Variants in BIRC6 observed in about 807,000 individuals in gnomAD.
BIRC6 encodes baculoviral IAP repeat containing 6, also known as dual E2 ubiquitin-conjugating enzyme/E3 ubiquitin-protein ligase BIRC6.
A neutral mutation model predicts 503.3 loss-of-function variants in BIRC6; 98 were observed. The ratio of observed to expected loss-of-function variants is 0.19; its 90% confidence interval spans 0.17 to 0.23. BIRC6 has a LOEUF of 0.23. Among genes scored for constraint, BIRC6 ranks in the 10% least tolerant of loss-of-function variants. BIRC6 has a pLI of 1.00. For missense variants in BIRC6, 5,360 were observed against 5,806.0 expected (o/e 0.92, Z 2.50); for synonymous variants, 2,240 against 2,078.7 (o/e 1.08, Z -2.11).
At chr2:32,565,517 A>G (rs531077781) in intron 65 of BIRC6, 1 of 152,332 alleles carries the variant, frequency 6.6e-6, no homozygotes, top group South Asian at 2.1e-4. Flanking sequence ...GATAAACTAT[A>G]GTTATCCCTA....
At chr2:32,600,525 T>G (rs1310964070) in intron 70 of BIRC6, among the ~76,000 whole-genome samples, 1 of 152,230 alleles carries the variant, frequency 6.6e-6, no homozygotes, top group Admixed American at 6.5e-5. Context: ...GCAAAAGATT[T>G]GACCAGAGGC....
intron 10 of BIRC6, among the ~76,000 whole-genome samples, chr2:32,416,862 G>A (rs1204667878): frequency 7.4e-6 from 1 of 135,702 alleles, no homozygotes; most frequent in Non-Finnish European, 1.5e-5. Flanking sequence ...TTGAGAGGAA[G>A]TTTCATTCTT....
intron 65 of BIRC6, among the ~76,000 whole-genome samples, chr2:32,554,855 T>C (rs1475760996): frequency 6.6e-6 from 1 of 152,076 alleles, no homozygotes; most frequent in Non-Finnish European, 1.5e-5. Flanking sequence ...ACGACAAATA[T>C]CTTAATTTAA....
chr2:32,370,101 A>G (rs2035711346), intron 1 of BIRC6, among the ~76,000 whole-genome samples: 1 of 147,604 alleles, frequency 6.8e-6, no homozygotes, highest in African/African-American at 2.5e-5. Flanking sequence ...GGGTGTGCCA[A>G]GTTCAGCATC....
chr2:32,548,365 CTTTTTTTTTTTT>C (rs1202755440), intron 64 of BIRC6, among the ~76,000 whole-genome samples: 2 of 73,364 alleles, frequency 2.7e-5, no homozygotes, highest in Non-Finnish European at 5.1e-5. Flanking sequence ...TGGTTGCTTA[CTTTTTTTTTTTT>C]TTTTTTTTTT....
chr2:32,453,795 C>T lies in BIRC6; in HGVS notation c.4619-13C>T. ...TATCTTCACGTGTTATAAAACTTGTCTTTTGCCATTAGGAAATGGAAAGGT... is the reference window on the plus strand; with the variant it reads ...TATCTTCACGTGTTATAAAACTTGTTTTTTGCCATTAGGAAATGGAAAGGT... On this transcript the variant is annotated splice_polypyrimidine_tract_variant and intron_variant, in intron 22 of 73. Coordinates refer to ENST00000421745, the MANE Select transcript of BIRC6 (RefSeq NM_016252.4). The T allele has an allele frequency of 6.2e-7, 1 of 1,610,128 alleles. No individual in the cohort carries two copies. The highest frequency in any genetic ancestry group is 8.5e-7 in the Non-Finnish European group (1 of 1,178,504).
At chr2:32,442,023 C>A in intron 17 of BIRC6, 42 bp from the exon 18 acceptor site, 2 of 1,384,490 alleles carry the variant, frequency 1.4e-6, no homozygotes, top group South Asian at 1.8e-5. Context: ...TTTAGTTGTT[C>A]TGTTTTGTTT....
chr2:32,377,213 A>ATATGTGTGTGTG (rs150659120), intron 1 of BIRC6, among the ~76,000 whole-genome samples: 1 of 144,152 alleles, frequency 6.9e-6, no homozygotes, highest in African/African-American at 2.6e-5. Flanking sequence ...CTTAATATAT[A>ATATGTGTGTGTG]TGTGTGTGTG....
intron 72 of BIRC6, among the ~76,000 whole-genome samples, chr2:32,611,000 C>G (rs898048466): frequency 2.0e-5 from 3 of 152,196 alleles, no homozygotes; most frequent in African/African-American, 7.2e-5. Flanking sequence ...GCTGGGATTA[C>G]AGGCGTGAGC....
intron 45 of BIRC6, among the ~76,000 whole-genome samples, chr2:32,498,227 C>T (rs2052722794): frequency 6.6e-6 from 1 of 152,016 alleles, no homozygotes; most frequent in Middle Eastern, 3.2e-3. Context: ...CTACTACACA[C>T]GGCTAATTTT....
At position 32,545,825 on chromosome 2, in the gene BIRC6, C is replaced by T. The variant is rs2150326145; in HGVS notation, c.12775C>T (p.Pro4259Ser). 1 of 1,613,822 alleles carries T rather than the reference C, an allele frequency of 6.2e-7. No individual in the cohort carries two copies. The highest frequency in any genetic ancestry group is 8.5e-7 in the Non-Finnish European group (1 of 1,179,822). ...TCTCTCTGCTTTGAGCCACCATTCC[C>T]CACGAGTTCCAAACTCTAGCGTGAA... is the stretch of plus-strand genomic sequence containing the variant. ...VCLSALSHHS[P>S]RVPNSSVNQT... The change falls in exon 63 of 74, where the codon CCA (proline) becomes TCA (serine). Residue 4259 changes from proline (P) to serine (S), a missense_variant. Around this residue, in one of 16 missense-constraint regions of BIRC6, gnomAD observed 477 missense variants for 574.4 expected, o/e 0.83. Transcript: ENST00000421745.
intron 65 of BIRC6, among the ~76,000 whole-genome samples, chr2:32,552,090 T>C (rs553486286): frequency 1.3e-5 from 2 of 152,332 alleles, no homozygotes; most frequent in Admixed American, 6.5e-5. Flanking sequence ...CAAGAAAATA[T>C]AGGAACACAC....
intron 26 of BIRC6, among the ~76,000 whole-genome samples, chr2:32,465,804 C>A (rs2048481941): frequency 6.6e-6 from 1 of 152,192 alleles, no homozygotes; most frequent in Non-Finnish European, 1.5e-5. Flanking sequence ...TACACTGTAG[C>A]ATGTATCATT....
intron 10 of BIRC6, among the ~76,000 whole-genome samples, chr2:32,425,972 C>A (rs1341870052): frequency 6.6e-6 from 1 of 152,214 alleles, no homozygotes; most frequent in African/African-American, 2.4e-5. Flanking sequence ...TTTAGGCCAC[C>A]CTCTTACCAG....
At chr2:32,603,773 G>C (rs1573323561) in intron 71 of BIRC6, among the ~76,000 whole-genome samples, 1 of 151,912 alleles carries the variant, frequency 6.6e-6, no homozygotes, top group East Asian at 1.9e-4. Context: ...AATTTGGCCT[G>C]TGAATAAAAG....
chr2:32,585,634 C>A (rs2060975317), intron 66 of BIRC6, among the ~76,000 whole-genome samples: 1 of 152,188 alleles, frequency 6.6e-6, no homozygotes, highest in Non-Finnish European at 1.5e-5. Flanking sequence ...CCCACCTTGG[C>A]CTCCCAAAGT....
At chr2:32,591,673 T>A (rs115843384) in intron 66 of BIRC6, among the ~76,000 whole-genome samples, 9 of 152,316 alleles carry the variant, frequency 5.9e-5, no homozygotes, top group African/African-American at 2.2e-4. Context: ...GAAATCTTTA[T>A]TGAGAGTACA....
At chr2:32,470,465 T>C (rs1317318909) in intron 31 of BIRC6, among the ~76,000 whole-genome samples, 164 bp downstream of exon 31, 1 of 152,110 alleles carries the variant, frequency 6.6e-6, no homozygotes, top group African/African-American at 2.4e-5. Flanking sequence ...TTGACTGCCA[T>C]ATAGTTAATA....
At chr2:32,436,343 G>A (rs992411970) in intron 15 of BIRC6, among the ~76,000 whole-genome samples, 159 bp downstream of exon 15, 2 of 152,146 alleles carry the variant, frequency 1.3e-5, no homozygotes, top group African/African-American at 2.4e-5. Context: ...CTGTCATAAA[G>A]TAACTAACTG....
Sources: gnomAD v4.1 joint callset for allele counts (sites outside exome capture counted in the v4.1 genomes callset) on GRCh38, gnomAD v4.1.1 for gene constraint, gnomAD v4.1.1 regional missense constraint, MANE v1.5 for transcripts, NCBI Gene and HGNC (gene_info 2026-07-23, HGNC 2026-07-21) for gene names.